The following GRIN2B variants were observed in gnomAD, a reference collection of about 807,000 sequenced individuals.
GRIN2B encodes glutamate ionotropic receptor NMDA type subunit 2B.
A neutral mutation model predicts 114.5 loss-of-function variants in GRIN2B; 5 were observed. The observed-to-expected ratio is 0.04, with a 90% CI of 0.02 to 0.09. The LOEUF (loss-of-function observed/expected upper bound fraction) is 0.09. Among genes scored for constraint, GRIN2B ranks in the 10% least tolerant of loss-of-function variants. The pLI is 1.00. For synonymous variants in GRIN2B, 787 were observed against 745.1 expected, an observed-to-expected ratio of 1.06 and a Z score of -0.92; for missense variants, 1,108 against 1,943.5, an observed-to-expected ratio of 0.57 and a Z score of 8.08.
intron 4 of GRIN2B, among the ~76,000 whole-genome samples, chr12:13,695,040 A>G (rs1466395591): frequency 1.3e-5 from 2 of 152,118 alleles, no homozygotes; most frequent in Non-Finnish European, 2.9e-5. Context: ...GACAAGGAAC[A>G]AGGAGTTTGC....
In GRIN2B at chr12:13,562,761, C is replaced by A. The variant is rs897186462; in HGVS notation, c.*22G>T. 3.1e-6 allele frequency: 5 copies of A among 1,606,082 alleles called. No homozygotes were observed. The highest frequency in any genetic ancestry group is 4.3e-6 in the Non-Finnish European group (5 of 1,172,780). Reference sequence around the variant, plus strand: ...CACAGCCTTACCCTCCCGTACCCACCTTAACCTCTCTGTTCCCTCACTCAG... The same window carrying A: ...CACAGCCTTACCCTCCCGTACCCACATTAACCTCTCTGTTCCCTCACTCAG... On this transcript the variant is annotated 3_prime_UTR_variant, in exon 14 of 14. Transcript: ENST00000609686.
intron 4 of GRIN2B, among the ~76,000 whole-genome samples, chr12:13,690,097 C>G (rs1252454734): frequency 2.0e-5 from 3 of 152,092 alleles, no homozygotes; most frequent in Admixed American, 6.6e-5. Flanking sequence ...AGACAACATA[C>G]TATTTAAAGG....
At chr12:13,805,801 A>G (rs901518768) in intron 3 of GRIN2B, among the ~76,000 whole-genome samples, 1 of 152,142 alleles carries the variant, frequency 6.6e-6, no homozygotes, top group African/African-American at 2.4e-5. Context: ...GTTATTAACT[A>G]TAGTCACCAT....
intron 4 of GRIN2B, among the ~76,000 whole-genome samples, chr12:13,743,796 AATC>A (rs1421731496): frequency 6.6e-6 from 1 of 152,210 alleles, no homozygotes; most frequent in Admixed American, 6.5e-5. Context: ...TCCTCACTTT[AATC>A]ATCATCATTA....
intron 4 of GRIN2B, among the ~76,000 whole-genome samples, chr12:13,706,385 T>A (rs936391717): frequency 1.3e-5 from 2 of 152,244 alleles, no homozygotes; most frequent in South Asian, 4.1e-4. Flanking sequence ...ACTTTCCCAG[T>A]GGGAGACTAA....
chr12:13,604,674 T>C (rs1321498485), intron 10 of GRIN2B, among the ~76,000 whole-genome samples: 1 of 152,216 alleles, frequency 6.6e-6, no homozygotes, highest in Non-Finnish European at 1.5e-5. Flanking sequence ...ATACTTCCTC[T>C]CATGCATTAC....
At chr12:13,675,136 CTAT>C (rs1322109697) in intron 5 of GRIN2B, among the ~76,000 whole-genome samples, 4 of 152,050 alleles carry the variant, frequency 2.6e-5, no homozygotes, top group Non-Finnish European at 5.9e-5. Context: ...CCTGTTGGTA[CTAT>C]TATTATTATT....
At chr12:13,922,236 G>T (rs960214223) in intron 2 of GRIN2B, among the ~76,000 whole-genome samples, 1 of 152,188 alleles carries the variant, frequency 6.6e-6, no homozygotes, top group African/African-American at 2.4e-5. Context: ...GCACTAAAGT[G>T]CTTCAGCAGA....
intron 3 of GRIN2B, among the ~76,000 whole-genome samples, chr12:13,830,895 T>A (rs1177662103): frequency 2.0e-5 from 3 of 152,214 alleles, no homozygotes; most frequent in African/African-American, 4.8e-5. Context: ...ATGCAAGTGC[T>A]GTAGTTTGAC....
At chr12:13,598,464 G>A (rs1173043465) in intron 10 of GRIN2B, among the ~76,000 whole-genome samples, 1 of 152,136 alleles carries the variant, frequency 6.6e-6, no homozygotes. Flanking sequence ...ACCAAGACCT[G>A]TCACCTTCAG....
chr12:13,744,359 A>T (rs1408093178), intron 4 of GRIN2B, among the ~76,000 whole-genome samples: 1 of 152,246 alleles, frequency 6.6e-6, no homozygotes, highest in Non-Finnish European at 1.5e-5. Context: ...TTCACTTGAC[A>T]AATGCAAATA....
At chr12:13,925,516 C>T (rs909625114) in intron 2 of GRIN2B, among the ~76,000 whole-genome samples, 5 of 152,148 alleles carry the variant, frequency 3.3e-5, no homozygotes, top group African/African-American at 1.2e-4. Context: ...GTTTATGGCT[C>T]AGCAGGTCAG....
At chr12:13,666,678 C>A (rs1243416245) in intron 5 of GRIN2B, among the ~76,000 whole-genome samples, 3 of 152,100 alleles carry the variant, frequency 2.0e-5, no homozygotes, top group African/African-American at 7.2e-5. Flanking sequence ...TTCCTGTATA[C>A]ATGAATTATT....
chr12:13,565,311 G>A (rs1367597416), intron 13 of GRIN2B, among the ~76,000 whole-genome samples: 1 of 151,620 alleles, frequency 6.6e-6, no homozygotes, highest in Non-Finnish European at 1.5e-5. Context: ...TACACTGTGG[G>A]AGGGAAGAAT....
chr12:13,840,916 A>C (rs975715339), intron 3 of GRIN2B, among the ~76,000 whole-genome samples: 1 of 152,220 alleles, frequency 6.6e-6, no homozygotes, highest in Admixed American at 6.5e-5. Flanking sequence ...CAGAGGGCAG[A>C]AACAAGAAGT....
intron 5 of GRIN2B, among the ~76,000 whole-genome samples, chr12:13,668,716 T>C (rs1037643626): frequency 1.3e-5 from 2 of 152,056 alleles, no homozygotes; most frequent in African/African-American, 4.8e-5. Context: ...TGTTAGATGG[T>C]ATCAAATAGT....
At chr12:13,894,938 T>C (rs972271950) in intron 2 of GRIN2B, among the ~76,000 whole-genome samples, 1 of 152,178 alleles carries the variant, frequency 6.6e-6, no homozygotes, top group Admixed American at 6.6e-5. Context: ...ATACAATGAA[T>C]CATTTTGGAA....
chr12:13,547,981 A>ATATATATGTATTTTTTTTTTTTTTT lies in GRIN2B; in HGVS notation c.*14801_*14802insAAAAAAAAAAAAAAATACATATATA. The ATATATATGTATTTTTTTTTTTTTTT allele has an allele frequency of 1.5e-5, 1 of 68,578 alleles. No individual in the cohort carries two copies. Among genetic ancestry groups the ATATATATGTATTTTTTTTTTTTTTT allele is most frequent in the Non-Finnish European group, 2.9e-5 (1 of 34,410 alleles). The allele number at this position is 68,578 out of a possible 1,614,324, so 4.2% of individuals were successfully genotyped here. A position where few individuals can be genotyped will look rare whatever the true frequency, so the allele number is the denominator to read the frequency against. On this transcript the variant is annotated 3_prime_UTR_variant, in exon 14 of 14. Coordinates refer to ENST00000609686, the MANE Select transcript of GRIN2B (RefSeq NM_000834.5). ...TGTGTATATATATATATATATATAT[A>ATATATATGTATTTTTTTTTTTTTTT]TTTTTTTTTTTTTTCTGAAAGCTAC...
chr12:13,876,721 T>C (rs913530739), intron 2 of GRIN2B, among the ~76,000 whole-genome samples: 2 of 152,192 alleles, frequency 1.3e-5, no homozygotes, highest in African/African-American at 4.8e-5. Flanking sequence ...GAAAGGAGTA[T>C]AGAAGTACAG....
Sources: allele counts gnomAD v4.1 joint callset (sites outside exome capture counted in the v4.1 genomes callset), GRCh38; gene constraint gnomAD v4.1.1; transcripts MANE v1.5; gene names NCBI Gene and HGNC (gene_info 2026-07-23, HGNC 2026-07-21).